Variants in CYBC1 observed in about 807,000 individuals in gnomAD.
The protein encoded by CYBC1 is cytochrome b-245 chaperone 1.
A neutral mutation model predicts 21.7 loss-of-function variants in CYBC1; 22 were observed. The ratio of observed to expected loss-of-function variants is 1.02; its 90% CI spans 0.73 to 1.45. CYBC1 has a LOEUF of 1.45. Ranked by LOEUF, CYBC1 falls within the 40% of genes most tolerant of loss-of-function variation. The pLI is 0.00. For synonymous variants in CYBC1, 112 were observed against 98.7 expected (o/e 1.13, Z -0.80); for missense variants, 237 against 242.1 (o/e 0.98, Z 0.14).
rs765796858 is a variant in CYBC1, at chr17:82,444,410, C to G, written c.443+37G>C. ...CAGGAACGGGAGTGACCTGCTACGG[C>G]TGCAGCTCCGGCCAGATCAAAGTCC... On this transcript the variant is annotated intron_variant, in intron 6 of 6. Coordinates refer to ENST00000306645, the MANE Select transcript of CYBC1 (RefSeq NM_001033046.4). The G allele has an allele frequency of 2.5e-5, 40 of 1,573,668 alleles. 1 individual carries two copies. The highest frequency in any genetic ancestry group is 3.0e-5 in the Non-Finnish European group (35 of 1,154,316).
rs1350259948 is a variant in CYBC1, at chr17:82,443,699, A to G, written c.*305T>C. The G allele has an allele frequency of 1.3e-6, 1 of 772,252 alleles. No individual in the cohort carries two copies. Among genetic ancestry groups the G allele is most frequent in the Non-Finnish European group, 2.4e-6 (1 of 424,362 alleles). The allele number at this position is 772,252 out of a possible 1,614,324, so 47.8% of individuals were successfully genotyped here. A position where few individuals can be genotyped will look rare whatever the true frequency, so the allele number is the denominator to read the frequency against. Reference sequence around the variant, plus strand: ...CCTGGTCTGGCCTGCTGTTTCATGCAGTGTGCAAGCAGCAGCATGAGCAGG... The same window carrying G: ...CCTGGTCTGGCCTGCTGTTTCATGCGGTGTGCAAGCAGCAGCATGAGCAGG... On this transcript the variant is annotated 3_prime_UTR_variant, in exon 7 of 7. Coordinates refer to ENST00000306645, the MANE Select transcript of CYBC1 (RefSeq NM_001033046.4). This position sits in a 1 kb window ranked among gnomAD's most constrained non-coding sequence, Gnocchi z 6.7.
In CYBC1 at chr17:82,443,684, C is replaced by T. The variant is rs1213453009; in HGVS notation, c.*320G>A. 3 of 769,534 alleles carry T rather than the reference C, an allele frequency of 3.9e-6. No homozygotes were observed. The highest frequency in any genetic ancestry group is 7.1e-6 in the Non-Finnish European group (3 of 422,006). The allele number at this position is 769,534 out of a possible 1,614,324, so 47.7% of individuals were successfully genotyped here. On this transcript the variant is annotated 3_prime_UTR_variant, in exon 7 of 7. Transcript: ENST00000306645. The surrounding 1 kb of genome is among the most constrained non-coding windows in gnomAD (Gnocchi z 6.7). Reference sequence around the variant, plus strand: ...AGAAAGTCTGGATGTCCTGGTCTGGCCTGCTGTTTCATGCAGTGTGCAAGC... The same window carrying T: ...AGAAAGTCTGGATGTCCTGGTCTGGTCTGCTGTTTCATGCAGTGTGCAAGC...
intron 3 of CYBC1, chr17:82,447,280 G>A (rs888555146): frequency 9.4e-5 from 42 of 445,434 alleles, no homozygotes; most frequent in Non-Finnish European, 1.6e-4. Flanking sequence ...GTGAACCCGG[G>A]AGGCGGAGCT....
intron 5 of CYBC1, chr17:82,445,539 G>C (rs1010025086): frequency 4.5e-6 from 1 of 221,844 alleles, no homozygotes; most frequent in Admixed American, 5.3e-5. Flanking sequence ...GAGGCTGCCC[G>C]AGCCCGGGTG....
chr17:82,445,605 C>T, intron 5 of CYBC1: 1 of 413,256 alleles, frequency 2.4e-6, no homozygotes, highest in Non-Finnish European at 4.4e-6. Context: ...TCCTCAGACC[C>T]CTGCTCCTCC....
intron 2 of CYBC1, chr17:82,448,284 GGGA>G (rs1392534450): frequency 3.5e-5 from 6 of 169,406 alleles, no homozygotes; most frequent in African/African-American, 1.2e-4. Context: ...CTGAGGACCA[GGGA>G]GGAGGAGACA....
At chr17:82,447,228 C>CT (rs1479934554) in intron 3 of CYBC1, 1 of 372,536 alleles carries the variant, frequency 2.7e-6, no homozygotes, top group African/African-American at 2.2e-5. Flanking sequence ...TGGCGGGCGC[C>CT]TGTAGTCCCA....
intron 5 of CYBC1, 65 bp downstream of exon 5, chr17:82,445,799 C>T (rs763666662): frequency 7.7e-7 from 1 of 1,292,792 alleles, no homozygotes; most frequent in Non-Finnish European, 1.1e-6. Context: ...CCGTGAGTCA[C>T]CCAGACGCCC....
chr17:82,447,010 A>G (rs2054335213), intron 3 of CYBC1: 1 of 462,436 alleles, frequency 2.2e-6, no homozygotes, highest in East Asian at 4.0e-5. Flanking sequence ...TAGATCCTCA[A>G]GAGCATCTCT....
chr17:82,447,394 G>C, intron 3 of CYBC1, 186 bp downstream of exon 3: 1 of 637,862 alleles, frequency 1.6e-6, no homozygotes, highest in Non-Finnish European at 2.8e-6. Flanking sequence ...CTGAGCGCTG[G>C]GCAGGATGGG....
rs1230178535 is a variant in CYBC1 at position 82,443,759 on chromosome 17, G to A, written c.*245C>T. On this transcript the variant is annotated 3_prime_UTR_variant, in exon 7 of 7. Coordinates refer to ENST00000306645, the MANE Select transcript of CYBC1 (RefSeq NM_001033046.4). This position sits in a 1 kb window ranked among gnomAD's most constrained non-coding sequence, Gnocchi z 6.7. Reference sequence around the variant, plus strand: ...AACTCGGCTGGAGGCACCAACTGAAGCCAAGGCCACGGGTCCTGTGGGCGG... The same window carrying A: ...AACTCGGCTGGAGGCACCAACTGAAACCAAGGCCACGGGTCCTGTGGGCGG... 1 of 954,550 alleles carries A rather than the reference G, an allele frequency of 1.0e-6. No homozygotes were observed. The highest frequency in any genetic ancestry group is 1.3e-5 in the South Asian group (1 of 77,804). The allele number at this position is 954,550 out of a possible 1,614,324, so 59.1% of individuals were successfully genotyped here.
At chr17:82,447,966 A>G (rs1044877211) in intron 2 of CYBC1, 5 of 428,016 alleles carry the variant, frequency 1.2e-5, no homozygotes, top group Non-Finnish European at 2.1e-5. Context: ...TACGCTATTC[A>G]CAGTATTTAC....
intron 2 of CYBC1, 46 bp from the exon 3 acceptor site, chr17:82,447,667 C>T (rs1415510208): frequency 6.5e-7 from 1 of 1,545,054 alleles, no homozygotes; most frequent in Admixed American, 1.9e-5. Flanking sequence ...CGGTAAGACC[C>T]CACCTCCCTG....
intron 2 of CYBC1, chr17:82,448,060 A>C (rs149211169): frequency 2.5e-5 from 6 of 244,748 alleles, no homozygotes; most frequent in Middle Eastern, 2.9e-3. Flanking sequence ...ACTGTGCACA[A>C]AGAAATTACA....
chr17:82,449,269 AC>A lies in CYBC1; in HGVS notation c.-16del. The stretch of plus-strand genomic sequence containing the variant: ...TGCAGGTACATCCCGAGAGGGCAGC[AC>A]CACTCTCTACAGGAGGAGGGGTCTG... On this transcript the variant is annotated 5_prime_UTR_variant, in exon 2 of 7. Coordinates refer to ENST00000306645, the MANE Select transcript of CYBC1 (RefSeq NM_001033046.4). 1 of 1,544,440 alleles carries A rather than the reference AC, an allele frequency of 6.5e-7. No homozygotes were observed. The highest frequency in any genetic ancestry group is 8.7e-7 in the Non-Finnish European group (1 of 1,145,844).
At chr17:82,446,864 C>A in intron 3 of CYBC1, 168 bp from the exon 4 acceptor site, 1 of 633,596 alleles carries the variant, frequency 1.6e-6, no homozygotes, top group South Asian at 1.8e-5. Flanking sequence ...GACCCACACG[C>A]GGCACACCCC....
At chr17:82,445,149 G>A (rs968560801) in intron 5 of CYBC1, 116 of 154,174 alleles carry the variant, frequency 7.5e-4, no homozygotes, top group African/African-American at 2.5e-3. Flanking sequence ...GCAGCATTGC[G>A]GCACTAAACC....
Position 82,443,385 on chromosome 17 carries a change from G to A in CYBC1, c.*619C>T. The A allele has an allele frequency of 2.0e-6, 1 of 508,976 alleles. No homozygotes were observed. The highest frequency in any genetic ancestry group is 3.7e-6 in the Non-Finnish European group (1 of 273,734). The allele number at this position is 508,976 out of a possible 1,614,324, so 31.5% of individuals were successfully genotyped here. ...CATCAGCAAGGGAGGCGGGTCCTCG[G>A]GGAGGGGCAGCTTCCACAGTGTGGC... On this transcript the variant is annotated 3_prime_UTR_variant, in exon 7 of 7. Transcript: ENST00000306645. This position sits in a 1 kb window ranked among gnomAD's most constrained non-coding sequence, Gnocchi z 6.7.
rs142011515 is a variant in CYBC1, at chr17:82,444,505, G to A, written c.385C>T (p.Arg129Trp). 315 of 1,614,010 alleles carry A rather than the reference G, an allele frequency of 2.0e-4. No individual in the cohort carries two copies. The highest frequency in any genetic ancestry group is 2.5e-4 in the Non-Finnish European group (296 of 1,179,936). Reference sequence around the variant, plus strand: ...GGGTGGGAGAAGCCCGTCGCAAGCCGGAGCACCACCATGTAGCCTTTCCCG... The same window carrying A: ...GGGTGGGAGAAGCCCGTCGCAAGCCAGAGCACCACCATGTAGCCTTTCCCG... ...YFGKGYMVVL[R>W]LATGFSHPLT... The change falls in exon 6 of 7, where the codon CGG (arginine) becomes TGG (tryptophan). Residue 129 changes from arginine to tryptophan, a missense_variant. Coordinates refer to ENST00000306645, the MANE Select transcript of CYBC1 (RefSeq NM_001033046.4).
Sources: allele counts gnomAD v4.1 joint callset, GRCh38; gene constraint gnomAD v4.1.1; non-coding constraint Gnocchi (gnomAD v3.1); transcripts MANE v1.5; gene names NCBI Gene and HGNC (gene_info 2026-07-23, HGNC 2026-07-21).